Variants in FANCI observed in about 807,000 individuals in gnomAD.
FANCI encodes the protein Fanconi anemia group I protein.
Under a neutral mutation model 176.1 loss-of-function variants are expected in FANCI, and 156 were observed. The ratio of observed to expected loss-of-function variants is 0.89; its 90% CI spans 0.78 to 1.01. The LOEUF is 1.01. Ranked by LOEUF, FANCI falls within the 50% of genes least tolerant of loss-of-function variation. FANCI has a pLI of 0.00. For synonymous variants in FANCI, 613 were observed against 541.7 expected (o/e 1.13, Z -1.83); for missense variants, 1,678 against 1,534.1 (o/e 1.09, Z -1.57).
intron 1 of FANCI, among the ~76,000 whole-genome samples, chr15:89,246,101 A>G (rs577497103): frequency 1.3e-5 from 2 of 152,320 alleles, no homozygotes; most frequent in South Asian, 2.1e-4. Flanking sequence ...TGATGGTACC[A>G]TTTATGGAGA....
intron 2 of FANCI, among the ~76,000 whole-genome samples, chr15:89,248,634 A>G (rs1235972743): frequency 6.6e-6 from 1 of 152,176 alleles, no homozygotes; most frequent in Non-Finnish European, 1.5e-5. Flanking sequence ...GATTGAAACT[A>G]GCATTTAAAT....
chr15:89,246,781 T>A (rs1481598099), intron 1 of FANCI, among the ~76,000 whole-genome samples: 42 of 147,200 alleles, frequency 2.9e-4, no homozygotes, highest in African/African-American at 1.0e-3. Flanking sequence ...TTTTTTTTTT[T>A]TTGAGACAGA....
intron 3 of FANCI, 122 bp downstream of exon 3, chr15:89,258,898 A>C: frequency 1.3e-6 from 1 of 778,994 alleles, no homozygotes; most frequent in Non-Finnish European, 2.2e-6. Flanking sequence ...TGAGGATTCT[A>C]CAGAATCAAC....
chr15:89,296,965 G>A (rs2054308860), intron 24 of FANCI, among the ~76,000 whole-genome samples: 1 of 143,770 alleles, frequency 7.0e-6, no homozygotes, highest in South Asian at 2.1e-4. Context: ...GCCGGGCGGG[G>A]GGCTGACCCC....
At position 89,314,647 on chromosome 15, in the gene FANCI, C is replaced by T. The variant is rs754380252; in HGVS notation, c.3756C>T (p.Asn1252=). ...RVLRETKPIP[N]LIFAIEQYEK... is the part of the protein sequence containing the mutation. ...TTCGGGAAACCAAGCCAATCCCTAA[C>T]CTCATCTTTGCCATAGAACAGTATG... Residue 1252 remains asparagine, a synonymous_variant, in exon 36 of 38, where the codon AAC becomes AAT. Transcript: ENST00000310775. 2.1e-5 allele frequency: 34 copies of T among 1,614,194 alleles called. No individual in the cohort carries two copies. In the East Asian group the frequency reaches 6.7e-4, roughly 32 times the overall value.
chr15:89,276,917 C>T (rs370123215), intron 13 of FANCI, 26 bp downstream of exon 13: 31 of 1,613,274 alleles, frequency 1.9e-5, no homozygotes, highest in African/African-American at 1.3e-5. Flanking sequence ...GGCAACCACT[C>T]CCTAATTTTG....
intron 14 of FANCI, 149 bp from the exon 15 acceptor site, chr15:89,281,021 A>T: frequency 1.4e-6 from 1 of 732,330 alleles, no homozygotes; most frequent in Non-Finnish European, 2.3e-6. Context: ...GAAAAAGTAT[A>T]TATAGAATCA....
intron 30 of FANCI, 24 bp from the exon 31 acceptor site, chr15:89,305,581 A>G: frequency 4.3e-6 from 7 of 1,612,834 alleles, no homozygotes; most frequent in Non-Finnish European, 5.9e-6. Flanking sequence ...GTAGTGAATC[A>G]CACCAGGCAC....
intron 19 of FANCI, among the ~76,000 whole-genome samples, chr15:89,290,923 G>A (rs2054040214): frequency 6.6e-6 from 1 of 152,126 alleles, no homozygotes; most frequent in African/African-American, 2.4e-5. Flanking sequence ...TTTTCATCTG[G>A]CCTTAGGCTT....
chr15:89,251,673 T>A (rs1299559897), intron 2 of FANCI, among the ~76,000 whole-genome samples: 1 of 152,172 alleles, frequency 6.6e-6, no homozygotes, highest in Non-Finnish European at 1.5e-5. Context: ...AAGTGGGATT[T>A]AATAGCAGGA....
At chr15:89,246,224 A>G (rs1440308871) in intron 1 of FANCI, among the ~76,000 whole-genome samples, 2 of 152,008 alleles carry the variant, frequency 1.3e-5, no homozygotes, top group African/African-American at 2.4e-5. Flanking sequence ...ATGTGCCTCC[A>G]TTTCATCCCA....
At chr15:89,251,054 A>G (rs998521644) in intron 2 of FANCI, among the ~76,000 whole-genome samples, 2 of 152,068 alleles carry the variant, frequency 1.3e-5, no homozygotes, top group South Asian at 4.2e-4. Context: ...TGGGGGAAAA[A>G]AACACCATTA....
intron 30 of FANCI, 88 bp from the exon 31 acceptor site, chr15:89,305,517 C>T (rs1266158945): frequency 1.9e-6 from 3 of 1,595,480 alleles, no homozygotes; most frequent in Non-Finnish European, 2.6e-6. Flanking sequence ...GGCCTGTAAC[C>T]CACCTGTAGG....
intron 2 of FANCI, among the ~76,000 whole-genome samples, chr15:89,255,695 A>T (rs2052462629): frequency 6.6e-6 from 1 of 152,254 alleles, no homozygotes; most frequent in African/African-American, 2.4e-5. Context: ...TATGCTGTTA[A>T]CTTGGTAGTT....
At chr15:89,281,689 G>GT (rs2053620302) in intron 15 of FANCI, 76 bp from the exon 16 acceptor site, 1 of 1,317,242 alleles carries the variant, frequency 7.6e-7, no homozygotes, top group Admixed American at 1.7e-5. Flanking sequence ...AAGCCATATG[G>GT]TAACAGTATT....
rs562877308 is a variant in FANCI, at chr15:89,295,035, G to C, written c.2577G>C (p.Val859=). The C allele has an allele frequency of 9.7e-6, 15 of 1,552,228 alleles. 1 individual carries two copies. The East Asian group carries it at 2.2e-4, about 23-fold the overall frequency. Residue 859 remains valine (V), a synonymous_variant, in exon 24 of 38, where the codon GTG becomes GTC. Coordinates refer to ENST00000310775, the MANE Select transcript of FANCI (RefSeq NM_001113378.2). ...AGCAGCTAAAGGAAACAGGGCATGT[G>C]AGTGGCCCTGATGGCCAAAACCCAG... is the stretch of plus-strand genomic sequence containing the variant. The part of the protein sequence containing the change: ...KVQQLKETGH[V]SGPDGQNPEK...
Position 89,274,222 on chromosome 15 carries a change from C to G in FANCI, c.1030C>G (p.Leu344Val), listed in dbSNP as rs1251489517. 2 of 1,607,734 alleles carry G rather than the reference C, an allele frequency of 1.2e-6. No individual in the cohort carries two copies. Among genetic ancestry groups the G allele is most frequent in the African/African-American group, 2.7e-5 (2 of 74,804 alleles). The change falls in exon 12 of 38, where the codon CTC becomes GTC. Residue 344 changes from leucine to valine, a missense_variant. This residue lies in a region of FANCI where 469 missense variants were observed against 436.9 expected (regional missense o/e 1.07). Transcript: ENST00000310775. ...AAAGAGCTTTAAGGATCTTCAACTC[C>G]TCCAAGGCTCAAAATTTCTTCAGAA... is the stretch of plus-strand genomic sequence containing the variant. ...VVKSFKDLQLLQGSKFLQNLV... is the reference protein window; with the variant it reads ...VVKSFKDLQLVQGSKFLQNLV...
At chr15:89,258,667 TG>T in intron 2 of FANCI, 36 bp from the exon 3 acceptor site, 1 of 1,513,478 alleles carries the variant, frequency 6.6e-7, no homozygotes, top group Non-Finnish European at 9.2e-7. Flanking sequence ...GGTAAAAGAC[TG>T]TTGCCAGAGA....
Position 89,260,929 on chromosome 15 carries a change from A to C in FANCI, c.288+86A>C, listed in dbSNP as rs966348280. The C allele has an allele frequency of 3.3e-6, 5 of 1,510,204 alleles. No homozygotes were observed. In the Admixed American group the frequency reaches 6.8e-5, roughly 20 times the overall value. 93.6% of individuals were successfully genotyped at this position (1,510,204 alleles called of 1,614,324 possible). On this transcript the variant is annotated intron_variant, in intron 4 of 37. Transcript: ENST00000310775. ...GAGGGAAGGAAAACTTAAGTGCCCAACCTAGCATAGTCCTTATTTATGAGT... is the reference window on the plus strand; with the variant it reads ...GAGGGAAGGAAAACTTAAGTGCCCACCCTAGCATAGTCCTTATTTATGAGT...
Sources: gnomAD v4.1 joint callset for allele counts (sites outside exome capture counted in the v4.1 genomes callset) on GRCh38, gnomAD v4.1.1 for gene constraint, gnomAD v4.1.1 regional missense constraint, MANE v1.5 for transcripts, NCBI Gene and HGNC (gene_info 2026-07-23, HGNC 2026-07-21) for gene names.